RALGAPA1: variants seen among roughly 807,000 people sequenced by gnomAD.
The protein encoded by RALGAPA1 is Ral GTPase activating protein catalytic subunit alpha 1.
Under a neutral mutation model 269.6 loss-of-function variants are expected in RALGAPA1, and 52 were observed. The ratio of observed to expected loss-of-function variants is 0.19; its 90% CI spans 0.15 to 0.24. The LOEUF (loss-of-function observed/expected upper bound fraction) is 0.24, where lower values mean the gene tolerates loss of function less well. RALGAPA1 is among the 10% of genes least tolerant of loss of function. RALGAPA1 has a pLI of 1.00. For missense variants in RALGAPA1, 1,917 were observed against 3,013.9 expected (o/e 0.64, Z 8.52); for synonymous variants, 817 against 1,008.3 (o/e 0.81, Z 3.60).
chr14:35,609,054 G>A lies in RALGAPA1; in HGVS notation c.6930-3345C>T, dbSNP rs941519908. ...ATCCTGGCTAACACGGTGTAACCCCGTCTCTACTAAAAATACAAAAAATTA... is the reference window on the plus strand; with the variant it reads ...ATCCTGGCTAACACGGTGTAACCCCATCTCTACTAAAAATACAAAAAATTA... On this transcript the variant is annotated intron_variant, in intron 35 of 41. Coordinates refer to ENST00000680220, the MANE Select transcript of RALGAPA1 (RefSeq NM_001346249.2). 5.9e-5 allele frequency among the ~76,000 whole-genome samples: 9 copies of A among 151,980 alleles called. No individual in the cohort carries two copies. The East Asian group carries it at 7.8e-4, about 13-fold the overall frequency.
At chr14:35,706,596 C>G (rs2067829813) in intron 16 of RALGAPA1, 1 of 147,972 alleles carries the variant, frequency 6.8e-6, no homozygotes, top group Admixed American at 6.8e-5. Context: ...GTTGACTCTT[C>G]TGGCTCTTTT....
intron 33 of RALGAPA1, 82 bp from the exon 34 acceptor site, chr14:35,628,033 A>G (rs2061098594): frequency 1.4e-6 from 2 of 1,390,874 alleles, no homozygotes; most frequent in African/African-American, 2.9e-5. Flanking sequence ...GACAACAAAT[A>G]GGGATTTTAT....
At chr14:35,722,613 GA>G (rs534894396) in intron 15 of RALGAPA1, among the ~76,000 whole-genome samples, 139 of 113,914 alleles carry the variant, frequency 1.2e-3, no homozygotes, top group Admixed American at 1.1e-3. Flanking sequence ...CCCTGTCTCA[GA>G]AAAAAAAAAA....
chr14:35,661,923 T>C (rs2063561350), intron 27 of RALGAPA1, among the ~76,000 whole-genome samples: 1 of 152,094 alleles, frequency 6.6e-6, no homozygotes, highest in African/African-American at 2.4e-5. Flanking sequence ...TAATATAAAA[T>C]ATGCAGGCAA....
chr14:35,637,630 T>C (rs955243561), intron 31 of RALGAPA1, among the ~76,000 whole-genome samples: 18 of 152,106 alleles, frequency 1.2e-4, no homozygotes, highest in African/African-American at 2.9e-4. Context: ...AAAGAGGAGA[T>C]AGATTGGGAT....
intron 17 of RALGAPA1, among the ~76,000 whole-genome samples, chr14:35,695,760 CT>C (rs2066849529): frequency 6.6e-6 from 1 of 152,154 alleles, no homozygotes; most frequent in Non-Finnish European, 1.5e-5. Flanking sequence ...TAAAGTGTTA[CT>C]TTTGGCAGTA....
rs369505472 is a variant in RALGAPA1 at position 35,674,495 on chromosome 14, T to C, written c.4818+21A>G. The C allele has an allele frequency of 5.7e-6, 9 of 1,584,616 alleles. No homozygotes were observed. The African/African-American group carries it at 6.8e-5, about 12-fold the overall frequency. On this transcript the variant is annotated intron_variant, in intron 23 of 41. Coordinates refer to ENST00000680220, the MANE Select transcript of RALGAPA1 (RefSeq NM_001346249.2). ...ATATTTTTATTTTCTTCTCCACTTA[T>C]ATCCGCTATTTCTTTTTTACCTTAG...
At chr14:35,791,886 C>CA (rs1347299430) in intron 1 of RALGAPA1, among the ~76,000 whole-genome samples, 10 of 109,528 alleles carry the variant, frequency 9.1e-5, no homozygotes, top group African/African-American at 3.7e-4. Context: ...GCCTGGCCGA[C>CA]AGAGCGAGAC....
At chr14:35,806,668 T>C (rs374547587) in intron 1 of RALGAPA1, among the ~76,000 whole-genome samples, 3 of 152,156 alleles carry the variant, frequency 2.0e-5, no homozygotes, top group East Asian at 1.9e-4. Flanking sequence ...ATATGAACTA[T>C]GAACTATGGG....
intron 37 of RALGAPA1, among the ~76,000 whole-genome samples, chr14:35,589,824 CA>C (rs1234939224): frequency 6.6e-6 from 1 of 152,034 alleles, no homozygotes; most frequent in African/African-American, 2.4e-5. Flanking sequence ...CCTCAGCCTC[CA>C]AATAGCTGGG....
At chr14:35,643,988 T>A (rs943604387) in intron 31 of RALGAPA1, among the ~76,000 whole-genome samples, 3 of 152,170 alleles carry the variant, frequency 2.0e-5, no homozygotes, top group African/African-American at 7.2e-5. Context: ...ACAGAGTGAC[T>A]ATAGTAAAAA....
intron 1 of RALGAPA1, among the ~76,000 whole-genome samples, chr14:35,793,867 A>C (rs1271544315): frequency 1.3e-5 from 2 of 152,192 alleles, no homozygotes; most frequent in Non-Finnish European, 2.9e-5. Context: ...CATTTTATTC[A>C]ATCCTATAAG....
At chr14:35,563,270 G>GT (rs1475204128) in intron 39 of RALGAPA1, among the ~76,000 whole-genome samples, 1 of 151,734 alleles carries the variant, frequency 6.6e-6, no homozygotes, top group East Asian at 1.9e-4. Flanking sequence ...AGTAAAGGAG[G>GT]TTTTTTTTCT....
At chr14:35,674,746 GTGAAC>G in intron 22 of RALGAPA1, 37 bp from the exon 23 acceptor site, 3 of 1,109,000 alleles carry the variant, frequency 2.7e-6, no homozygotes, top group Non-Finnish European at 2.6e-6. Context: ...CCATTTTTCA[GTGAAC>G]TGAACATAAA....
rs779566538 is a variant in RALGAPA1 at position 35,595,626 on chromosome 14, G to A, written c.7209+8C>T. 6.2e-7 allele frequency: 1 copy of A among 1,608,104 alleles called. No homozygotes were observed. The highest frequency in any genetic ancestry group is 1.1e-5 in the South Asian group (1 of 90,818). On this transcript the variant is annotated splice_region_variant and intron_variant, in intron 37 of 41. Transcript: ENST00000680220. ...CATTTTAATTTGAAAGCACTTCTCA[G>A]CACTTACTTTTTTGGTCAAAGAATC... is the stretch of plus-strand genomic sequence containing the variant.
intron 1 of RALGAPA1, among the ~76,000 whole-genome samples, chr14:35,804,924 A>C (rs1017298576): frequency 6.6e-6 from 1 of 152,162 alleles, no homozygotes. Flanking sequence ...AGACCCTGTC[A>C]CAAGAAAAAA....
intron 17 of RALGAPA1, among the ~76,000 whole-genome samples, chr14:35,695,912 G>A (rs890009981): frequency 2.6e-5 from 4 of 152,192 alleles, no homozygotes; most frequent in African/African-American, 4.8e-5. Flanking sequence ...AAAGGCCAAT[G>A]AGAGAGAAGC....
At chr14:35,606,256 T>C (rs1180975274) in intron 35 of RALGAPA1, among the ~76,000 whole-genome samples, 4 of 152,214 alleles carry the variant, frequency 2.6e-5, no homozygotes, top group African/African-American at 9.6e-5. Context: ...GTGAACATTA[T>C]AGATGTACTC....
intron 2 of RALGAPA1, 83 bp downstream of exon 2, chr14:35,775,552 A>G: frequency 6.8e-7 from 1 of 1,461,758 alleles, no homozygotes; most frequent in Non-Finnish European, 9.0e-7. Context: ...TAAGTGAAAC[A>G]ATATGTCCAA....
Sources: allele counts gnomAD v4.1 joint callset (sites outside exome capture counted in the v4.1 genomes callset), GRCh38; gene constraint gnomAD v4.1.1; transcripts MANE v1.5; gene names NCBI Gene and HGNC (gene_info 2026-07-23, HGNC 2026-07-21).